PTH2R: variants seen among roughly 807,000 people sequenced by gnomAD.
PTH2R encodes the protein parathyroid hormone 2 receptor.
In PTH2R, 59 loss-of-function variants were observed where a neutral mutation model predicts 60.3. That is an observed-to-expected ratio of 0.98 (90% CI 0.79 to 1.22). PTH2R has a LOEUF of 1.22. Among genes scored for constraint, PTH2R ranks in the 50% most tolerant of loss-of-function variants. PTH2R has a pLI of 0.00. For missense variants in PTH2R, 749 were observed against 682.6 expected, an observed-to-expected ratio of 1.10 and a Z score of -1.08; for synonymous variants, 256 against 243.8, an observed-to-expected ratio of 1.05 and a Z score of -0.47.
chr2:208,400,808 T>C (rs1452064216), intron 1 of PTH2R, among the ~76,000 whole-genome samples: 1 of 152,220 alleles, frequency 6.6e-6, no homozygotes, highest in Non-Finnish European at 1.5e-5. Context: ...TTATGTGCAT[T>C]ATATTCAACT....
chr2:208,457,518 G>T (rs754690639), intron 8 of PTH2R, among the ~76,000 whole-genome samples: 34 of 152,152 alleles, frequency 2.2e-4, no homozygotes, highest in Non-Finnish European at 4.1e-4. Context: ...GATATGCAAA[G>T]AAATAAAACA....
chr2:208,383,696 C>T (rs13014969), intron 1 of PTH2R, among the ~76,000 whole-genome samples: 6,952 of 152,204 alleles, frequency 0.046, 228 homozygotes, highest in African/African-American at 0.098. Context: ...AGGTACATAT[C>T]GATTACCAGC....
At chr2:208,456,097 C>T (rs1702507787) in intron 8 of PTH2R, among the ~76,000 whole-genome samples, 1 of 151,968 alleles carries the variant, frequency 6.6e-6, no homozygotes, top group African/African-American at 2.4e-5. Flanking sequence ...AAAAAATTAG[C>T]TGGGCGTGGT....
chr2:208,454,244 G>A (rs1473802510), intron 8 of PTH2R, among the ~76,000 whole-genome samples: 3 of 152,056 alleles, frequency 2.0e-5, no homozygotes, highest in Admixed American at 1.3e-4. Flanking sequence ...AGGTAACTGC[G>A]CTTTGCTCTC....
intron 1 of PTH2R, among the ~76,000 whole-genome samples, chr2:208,408,740 A>AGAGAAAGAGAGAGAGAGAGAG (rs1553542827): frequency 1.5e-3 from 188 of 123,320 alleles, no homozygotes; most frequent in Non-Finnish European, 2.1e-3. Context: ...GAGAGAGAGA[A>AGAGAAAGAGAGAGAGAGAGAG]AGAGAGAGAG....
intron 1 of PTH2R, among the ~76,000 whole-genome samples, chr2:208,393,869 G>A (rs916425866): frequency 6.6e-6 from 1 of 152,282 alleles, no homozygotes; most frequent in Non-Finnish European, 1.5e-5. Context: ...AAGAGTGAAG[G>A]GGGGAGAGTA....
exon 1 of PTH2R, chr2:208,360,189 G>C (rs1316109619): frequency 2.2e-6 from 1 of 454,380 alleles, no homozygotes; most frequent in Non-Finnish European, 4.4e-6. Context: ...CTTTTTCTAC[G>C]ATAAATGAAA....
At chr2:208,467,410 G>A (rs747277151) in intron 9 of PTH2R, among the ~76,000 whole-genome samples, 1 of 152,146 alleles carries the variant, frequency 6.6e-6, no homozygotes, top group Non-Finnish European at 1.5e-5. Context: ...CAACCAGAAT[G>A]TGGTGTGCAC....
intron 10 of PTH2R, among the ~76,000 whole-genome samples, chr2:208,483,083 C>T (rs1004148210): frequency 1.3e-5 from 2 of 152,152 alleles, no homozygotes; most frequent in African/African-American, 4.8e-5. Context: ...CAGGGGGGGT[C>T]CCTGCAGGTA....
intron 1 of PTH2R, among the ~76,000 whole-genome samples, chr2:208,426,053 A>G (rs1282681706): frequency 6.6e-6 from 1 of 152,244 alleles, no homozygotes; most frequent in African/African-American, 2.4e-5. Flanking sequence ...ATACCTCTTA[A>G]ATTAAGCTAA....
At chr2:208,465,593 G>A (rs1452220126) in intron 9 of PTH2R, among the ~76,000 whole-genome samples, 1 of 151,256 alleles carries the variant, frequency 6.6e-6, no homozygotes, top group Non-Finnish European at 1.5e-5. Flanking sequence ...TAGTAGAGAT[G>A]GGATTTCGCC....
intron 1 of PTH2R, among the ~76,000 whole-genome samples, chr2:208,419,406 G>T (rs1282014041): frequency 6.6e-6 from 1 of 152,132 alleles, no homozygotes; most frequent in African/African-American, 2.4e-5. Flanking sequence ...TGAGTTCATT[G>T]TAGATTCTGG....
intron 2 of PTH2R, among the ~76,000 whole-genome samples, chr2:208,429,025 C>T (rs147638624): frequency 0.034 from 4,972 of 147,840 alleles, 257 homozygotes; most frequent in African/African-American, 0.12. Flanking sequence ...GTGGAGGTTG[C>T]GGTGAGCTGA....
chr2:208,451,272 C>T (rs1702403319), intron 8 of PTH2R, among the ~76,000 whole-genome samples: 1 of 152,084 alleles, frequency 6.6e-6, no homozygotes, highest in Non-Finnish European at 1.5e-5. Context: ...CAGACAGAAT[C>T]TGGTGCCCTG....
chr2:208,419,347 T>A (rs1335747886), intron 1 of PTH2R, among the ~76,000 whole-genome samples: 1 of 152,274 alleles, frequency 6.6e-6, no homozygotes, highest in Non-Finnish European at 1.5e-5. Flanking sequence ...GTTCATGTGC[T>A]TCGCCCACTT....
At chr2:208,491,589 T>A (rs1223982782) in intron 12 of PTH2R, among the ~76,000 whole-genome samples, 4 of 152,110 alleles carry the variant, frequency 2.6e-5, no homozygotes, top group African/African-American at 9.7e-5. Flanking sequence ...CTTCTGTATC[T>A]CTTTGTCTTG....
At chr2:208,407,493 TG>T (rs1211183734) in intron 1 of PTH2R, among the ~76,000 whole-genome samples, 1 of 152,236 alleles carries the variant, frequency 6.6e-6, no homozygotes, top group Non-Finnish European at 1.5e-5. Context: ...TTTTGTCTGC[TG>T]GTAATTTACC....
At chr2:208,448,032 A>G (rs1702324918) in intron 7 of PTH2R, among the ~76,000 whole-genome samples, 1 of 152,186 alleles carries the variant, frequency 6.6e-6, no homozygotes, top group African/African-American at 2.4e-5. Context: ...GTATGTACAT[A>G]TCATCATATA....
chr2:208,360,381 G>T, intron 1 of PTH2R: 1 of 308,040 alleles, frequency 3.2e-6, no homozygotes, highest in Admixed American at 4.1e-5. Flanking sequence ...CAGCTGGGAT[G>T]AGGGCAGCGT....
Sources: allele counts gnomAD v4.1 joint callset (sites outside exome capture counted in the v4.1 genomes callset), GRCh38; gene constraint gnomAD v4.1.1; transcripts MANE v1.5; gene names NCBI Gene and HGNC (gene_info 2026-07-23, HGNC 2026-07-21).